PRR36: variants seen among roughly 807,000 people sequenced by gnomAD.
PRR36 encodes proline rich 36.
In PRR36, 30 loss-of-function variants were observed where a neutral mutation model predicts 58.6. The observed-to-expected ratio is 0.51, with a 90% CI of 0.38 to 0.69. The LOEUF is 0.69. PRR36 is among the 30% of genes least tolerant of loss of function. The pLI is 0.00. For missense variants in PRR36, 1,692 were observed against 1,805.6 expected (o/e 0.94, Z 1.14); for synonymous variants, 771 against 829.3 (o/e 0.93, Z 1.21).
At position 7,873,981 on chromosome 19, in the gene PRR36, G is replaced by C. The variant is rs1486091800; in HGVS notation, c.-7-285C>G. 7.6e-6 allele frequency among the ~76,000 whole-genome samples: 1 copy of C among 130,990 alleles called. No homozygotes were observed. 85.9% of individuals were successfully genotyped at this position (130,990 alleles called of 152,430 possible). A position where few individuals can be genotyped will look rare whatever the true frequency, so the allele number is the denominator to read the frequency against. On this transcript the variant is annotated intron_variant, in intron 1 of 5. Transcript: ENST00000618550. This position sits in a 1 kb window ranked among gnomAD's most constrained non-coding sequence, Gnocchi z 5.0. Reference sequence around the variant, plus strand: ...CCCGCCTCGGCTCCAATTCAGGACCGATCTCCACGCCCCTGCCCCTTGCCC... The same window carrying C: ...CCCGCCTCGGCTCCAATTCAGGACCCATCTCCACGCCCCTGCCCCTTGCCC...
At position 7,872,316 on chromosome 19, in the gene PRR36, A is replaced by G. The variant is rs1355020624; in HGVS notation, c.928T>C (p.Ser310Pro). The change falls in exon 5 of 6, where the codon TCG (serine) becomes CCG (proline). Residue 310 changes from serine to proline, a missense_variant. Transcript: ENST00000618550. This position sits in a 1 kb window ranked among gnomAD's most constrained non-coding sequence, Gnocchi z 6.1. ...GGTACGGGTCTTGCCTTGGTACCCG[A>G]TGGAGAGGGTGTGGCCAAAGGAGAG... ...SSSPLATPSPSGTKARPVPPP... is the reference protein window; with the variant it reads ...SSSPLATPSPPGTKARPVPPP... 1 of 1,453,970 alleles carries G rather than the reference A, an allele frequency of 6.9e-7. No homozygotes were observed. The highest frequency in any genetic ancestry group is 2.7e-5 in the Admixed American group (1 of 37,156). The allele number at this position is 1,453,970 out of a possible 1,614,324, so 90.1% of individuals were successfully genotyped here.
In PRR36 at chr19:7,870,852, A is replaced by G. The variant is rs1980394896; in HGVS notation, c.2392T>C (p.Leu798=). 12 of 1,434,364 alleles carry G rather than the reference A, an allele frequency of 8.4e-6. No individual in the cohort carries two copies. Among genetic ancestry groups the G allele is most frequent in the Admixed American group, 2.9e-5 (1 of 34,064 alleles). The allele number at this position is 1,434,364 out of a possible 1,614,324, so 88.9% of individuals were successfully genotyped here. A position where few individuals can be genotyped will look rare whatever the true frequency, so the allele number is the denominator to read the frequency against. ...GGCGTCTCCGGAGGGGGCGTGGTCA[A>G]TGGCGAAGGTGGTGCTTGCAGAGGG... ...PCPLQAPPSP[L]TTPPPETPSS... The change falls in exon 5 of 6, where the codon TTG becomes CTG. Residue 798 remains leucine, a synonymous_variant. Transcript: ENST00000618550.
rs1278164716 is a variant in PRR36 at position 7,869,558 on chromosome 19, C to T, written c.3530-14G>A. 1 of 1,516,826 alleles carries T rather than the reference C, an allele frequency of 6.6e-7. No homozygotes were observed. Among genetic ancestry groups the T allele is most frequent in the Non-Finnish European group, 8.8e-7 (1 of 1,138,610 alleles). 94.0% of individuals were successfully genotyped at this position (1,516,826 alleles called of 1,614,324 possible). A position where few individuals can be genotyped will look rare whatever the true frequency, so the allele number is the denominator to read the frequency against. On this transcript the variant is annotated splice_polypyrimidine_tract_variant and intron_variant, in intron 5 of 5. Coordinates refer to ENST00000618550, the MANE Select transcript of PRR36 (RefSeq NM_001190467.2). The stretch of plus-strand genomic sequence containing the variant: ...GCAGGGGCGCACCTGCGGGGAGAGA[C>T]GCCAGGTGGGCCGTGGGGGTGATAA...
Position 7,873,532 on chromosome 19 carries a change from A to G in PRR36, c.158T>C (p.Val53Ala). The G allele has an allele frequency of 6.5e-7, 1 of 1,534,962 alleles. No homozygotes were observed. The highest frequency in any genetic ancestry group is 8.7e-7 in the Non-Finnish European group (1 of 1,146,680). The change falls in exon 2 of 6, where the codon GTG (valine) becomes GCG (alanine). Residue 53 changes from valine (V) to alanine (A), a missense_variant. Physicochemically the swap from Val to Ala is moderately conservative, Grantham distance 64. Coordinates refer to ENST00000618550, the MANE Select transcript of PRR36 (RefSeq NM_001190467.2). This position sits in a 1 kb window ranked among gnomAD's most constrained non-coding sequence, Gnocchi z 5.0. Reference protein sequence around the residue: ...ALRVLGAAGAVGRKPLAERAG... With the variant: ...ALRVLGAAGAAGRKPLAERAG... The stretch of plus-strand genomic sequence containing the variant: ...TCGCTCTGCCAGAGGCTTTCGCCCC[A>G]CTGCTCCCGCAGCTCCCAGAACTCG...
In PRR36 at chr19:7,869,227, C is replaced by T; in HGVS notation, c.3847G>A (p.Gly1283Ser). Residue 1283 changes from glycine (G) to serine (S), a missense_variant, in exon 6 of 6, where the codon GGT becomes AGT. By Grantham distance (56) the Gly-to-Ser change is moderately conservative (BLOSUM62 0). Around this residue, in one of 5 missense-constraint regions of PRR36, gnomAD observed 485 missense variants for 549.2 expected, o/e 0.88. Transcript: ENST00000618550. ...AAGGSGGGPG[G>S]AEGGGVTGGA... ...CCTGTGACGCCACCACCCTCCGCACCTCCTGGGCCCCCGCCGCTGCCGCCC... is the reference window on the plus strand; with the variant it reads ...CCTGTGACGCCACCACCCTCCGCACTTCCTGGGCCCCCGCCGCTGCCGCCC... The T allele has an allele frequency of 6.7e-7, 1 of 1,503,698 alleles. No homozygotes were observed. The highest frequency in any genetic ancestry group is 8.8e-7 in the Non-Finnish European group (1 of 1,133,476). 93.1% of individuals were successfully genotyped at this position (1,503,698 alleles called of 1,614,324 possible). A position where few individuals can be genotyped will look rare whatever the true frequency, so the allele number is the denominator to read the frequency against.
In PRR36 at chr19:7,871,198, G is replaced by A; in HGVS notation, c.2046C>T (p.Pro682=). The change falls in exon 5 of 6, where the codon CCC becomes CCT. Residue 682 remains proline, a synonymous_variant. Transcript: ENST00000618550. ...GCGCCTGCAGAGGGTGTATGGTCAG[G>A]GGTGAGCTTAGGGGTGAGACAGCAG... ...LSPAVSPLSS[P]LTIHPLQALS... 6.5e-7 allele frequency: 1 copy of A among 1,534,452 alleles called. No homozygotes were observed. Among genetic ancestry groups the A allele is most frequent in the South Asian group, 1.2e-5 (1 of 83,926 alleles).
chr19:7,872,198 G>A lies in PRR36; in HGVS notation c.1046C>T (p.Ala349Val). The A allele has an allele frequency of 6.8e-7, 1 of 1,463,402 alleles. No individual in the cohort carries two copies. Among genetic ancestry groups the A allele is most frequent in the Non-Finnish European group, 9.0e-7 (1 of 1,111,152 alleles). 90.7% of individuals were successfully genotyped at this position (1,463,402 alleles called of 1,614,324 possible). The change falls in exon 5 of 6, where the codon GCC becomes GTC. Residue 349 changes from alanine (A) to valine (V), a missense_variant. Around this residue, in one of 5 missense-constraint regions of PRR36, gnomAD observed 975 missense variants for 955.2 expected, o/e 1.02. Coordinates refer to ENST00000618550, the MANE Select transcript of PRR36 (RefSeq NM_001190467.2). The surrounding 1 kb of genome is among the most constrained non-coding windows in gnomAD (Gnocchi z 6.1). The stretch of plus-strand genomic sequence containing the variant: ...GGGCGTGGCCGGCAGGGTGGGCGGG[G>A]CCTGACTTTGGAGAGCGGCTGGCGG... ...PPPPAALQSQ[A>V]PPTLPATPHS... is the part of the protein sequence containing the mutation.
At position 7,873,280 on chromosome 19, in the gene PRR36, A is replaced by C. The variant is rs1335882810; in HGVS notation, c.291T>G (p.Ser97=). The part of the protein sequence containing the change: ...SRNPASRPPA[S]GRGERAPPAK... Reference sequence around the variant, plus strand: ...CAGGAGGAGCTCTCTCCCCTCTCCCAGAGGCTGGGGGCCTGGAGGCTGCGG... The same window carrying C: ...CAGGAGGAGCTCTCTCCCCTCTCCCCGAGGCTGGGGGCCTGGAGGCTGCGG... The change falls in exon 3 of 6, where the codon TCT becomes TCG. Residue 97 remains serine, a synonymous_variant. Transcript: ENST00000618550. This position sits in a 1 kb window ranked among gnomAD's most constrained non-coding sequence, Gnocchi z 5.0. The C allele has an allele frequency of 6.5e-7, 1 of 1,535,618 alleles. No homozygotes were observed. The highest frequency in any genetic ancestry group is 8.7e-7 in the Non-Finnish European group (1 of 1,146,680).
chr19:7,873,190 AG>A lies in PRR36; in HGVS notation c.374+6del, dbSNP rs940378588. ...CTTAGGAGACTGGGGGAGAGGGAGC[AG>A]GTTACCTGGTGGTCCCGCTGGCACG... On this transcript the variant is annotated splice_donor_region_variant and intron_variant, in intron 3 of 5. Coordinates refer to ENST00000618550, the MANE Select transcript of PRR36 (RefSeq NM_001190467.2). This position sits in a 1 kb window ranked among gnomAD's most constrained non-coding sequence, Gnocchi z 5.0. 1.3e-6 allele frequency: 2 copies of A among 1,535,352 alleles called. No homozygotes were observed. The highest frequency in any genetic ancestry group is 2.7e-5 in the African/African-American group (2 of 73,026).
intron 5 of PRR36, 25 bp from the exon 6 acceptor site, chr19:7,869,569 C>T (rs1308444938): frequency 4.0e-6 from 6 of 1,512,880 alleles, no homozygotes; most frequent in Admixed American, 2.0e-5. Flanking sequence ...GCCAGGTGGG[C>T]CGTGGGGGTG....
In PRR36 at chr19:7,873,319, TCA is replaced by T; in HGVS notation, c.272-22_272-21del. On this transcript the variant is annotated intron_variant, in intron 2 of 5. Transcript: ENST00000618550. The surrounding 1 kb of genome is among the most constrained non-coding windows in gnomAD (Gnocchi z 5.0). ...TGGAGGCTGCGGGGAGAAGGCCGAG[TCA>T]CAGGTGCCCCGGAGAGGTGGCAGTG... is the stretch of plus-strand genomic sequence containing the variant. 1 of 1,525,184 alleles carries T rather than the reference TCA, an allele frequency of 6.6e-7. No homozygotes were observed. Among genetic ancestry groups the T allele is most frequent in the Non-Finnish European group, 8.8e-7 (1 of 1,141,512 alleles). The allele number at this position is 1,525,184 out of a possible 1,614,324, so 94.5% of individuals were successfully genotyped here. A position where few individuals can be genotyped will look rare whatever the true frequency, so the allele number is the denominator to read the frequency against.
chr19:7,872,321 G>C lies in PRR36; in HGVS notation c.923C>G (p.Ser308Cys), dbSNP rs1980501688. ...PLSSSPLATPSPSGTKARPVP... is the reference protein window; with the variant it reads ...PLSSSPLATPCPSGTKARPVP... ...GGGTCTTGCCTTGGTACCCGATGGA[G>C]AGGGTGTGGCCAAAGGAGAGGAAGA... The change falls in exon 5 of 6, where the codon TCT (serine) becomes TGT (cysteine). Residue 308 changes from serine to cysteine, a missense_variant. Physicochemically the swap from Ser to Cys is moderately radical, Grantham distance 112. Transcript: ENST00000618550. The surrounding 1 kb of genome is among the most constrained non-coding windows in gnomAD (Gnocchi z 6.1). The C allele has an allele frequency of 1.4e-6, 2 of 1,454,986 alleles. No homozygotes were observed. Among genetic ancestry groups the C allele is most frequent in the East Asian group, 5.0e-5 (2 of 40,380 alleles). 90.1% of individuals were successfully genotyped at this position (1,454,986 alleles called of 1,614,324 possible). A position where few individuals can be genotyped will look rare whatever the true frequency, so the allele number is the denominator to read the frequency against.
At chr19:7,869,622 G>A in intron 5 of PRR36, 78 bp from the exon 6 acceptor site, 1 of 1,465,084 alleles carries the variant, frequency 6.8e-7, no homozygotes, top group South Asian at 1.3e-5. Flanking sequence ...CCTTGTCTAA[G>A]CTCCGCCCCG....
chr19:7,873,648 C>T lies in PRR36; in HGVS notation c.42G>A (p.Ala14=). Reference sequence around the variant, plus strand: ...CAGGAGCGCGAGCAGCCGGCGTCCGCGCGGCGGCCCCTGCCTTCGCCTTGT... The same window carrying T: ...CAGGAGCGCGAGCAGCCGGCGTCCGTGCGGCGGCCCCTGCCTTCGCCTTGT... ...KRDKAKAGAA[A]RTPAARAPGL... is the part of the protein sequence containing the mutation. Residue 14 remains alanine, a synonymous_variant, in exon 2 of 6, where the codon GCG becomes GCA. Transcript: ENST00000618550. The surrounding 1 kb of genome is among the most constrained non-coding windows in gnomAD (Gnocchi z 5.0). 1 of 1,535,246 alleles carries T rather than the reference C, an allele frequency of 6.5e-7. No individual in the cohort carries two copies. Among genetic ancestry groups the T allele is most frequent in the Non-Finnish European group, 8.7e-7 (1 of 1,146,712 alleles).
rs1311260065 is a variant in PRR36 at position 7,872,315 on chromosome 19, G to C, written c.929C>G (p.Ser310Trp). 1 of 1,454,320 alleles carries C rather than the reference G, an allele frequency of 6.9e-7. No homozygotes were observed. Among genetic ancestry groups the C allele is most frequent in the African/African-American group, 1.4e-5 (1 of 70,192 alleles). 90.1% of individuals were successfully genotyped at this position (1,454,320 alleles called of 1,614,324 possible). Residue 310 changes from serine to tryptophan, a missense_variant, in exon 5 of 6, where the codon TCG (serine) becomes TGG (tryptophan). Ser to Trp is a radical substitution (Grantham distance 177). Coordinates refer to ENST00000618550, the MANE Select transcript of PRR36 (RefSeq NM_001190467.2). The surrounding 1 kb of genome is among the most constrained non-coding windows in gnomAD (Gnocchi z 6.1). ...SSSPLATPSPSGTKARPVPPP... is the reference protein window; with the variant it reads ...SSSPLATPSPWGTKARPVPPP... The stretch of plus-strand genomic sequence containing the variant: ...CGGTACGGGTCTTGCCTTGGTACCC[G>C]ATGGAGAGGGTGTGGCCAAAGGAGA...
Position 7,871,791 on chromosome 19 carries a change from G to T in PRR36, c.1453C>A (p.Pro485Thr). The change falls in exon 5 of 6, where the codon CCT becomes ACT. Residue 485 changes from proline (P) to threonine (T), a missense_variant. Pro to Thr is a conservative substitution (Grantham distance 38). Around this residue, in one of 5 missense-constraint regions of PRR36, gnomAD observed 975 missense variants for 955.2 expected, o/e 1.02. Transcript: ENST00000618550. ...GNSAFPLAAL[P>T]QPGLSALTTP... The stretch of plus-strand genomic sequence containing the variant: ...GTCAGAGCAGAAAGGCCTGGCTGAG[G>T]GAGTGCGGCCAGGGGAAAAGCCGAA... The T allele has an allele frequency of 6.5e-7, 1 of 1,535,498 alleles. No individual in the cohort carries two copies. Among genetic ancestry groups the T allele is most frequent in the Non-Finnish European group, 8.7e-7 (1 of 1,146,720 alleles).
Position 7,870,177 on chromosome 19 carries a change from G to A in PRR36, c.3067C>T (p.Pro1023Ser). 1 of 1,429,722 alleles carries A rather than the reference G, an allele frequency of 7.0e-7. No homozygotes were observed. Among genetic ancestry groups the A allele is most frequent in the Non-Finnish European group, 9.1e-7 (1 of 1,097,774 alleles). 88.6% of individuals were successfully genotyped at this position (1,429,722 alleles called of 1,614,324 possible). The change falls in exon 5 of 6, where the codon CCC becomes TCC. Residue 1023 changes from proline (P) to serine (S), a missense_variant. By Grantham distance (74) the Pro-to-Ser change is moderately conservative (BLOSUM62 -1). Transcript: ENST00000618550. The stretch of plus-strand genomic sequence containing the variant: ...CCAGGGAATGAGGCAGGCGGAGAGG[G>A]AAGGGCCTGCAGAGGAGGTGTGGCC... The part of the protein sequence containing the change: ...ALATPPLQAL[P>S]SPPASFPGQA...
chr19:7,871,660 T>C lies in PRR36; in HGVS notation c.1584A>G (p.Thr528=). 2 of 1,535,234 alleles carry C rather than the reference T, an allele frequency of 1.3e-6. No individual in the cohort carries two copies. Among genetic ancestry groups the C allele is most frequent in the East Asian group, 2.4e-5 (1 of 40,874 alleles). ...LPLQDSPLLA[T]LPLQASPSPL... ...GAGAGGGAGAGGCCTGCAGAGGCAA[T>C]GTGGCCAGAAGAGGAGAGTCCTGCA... is the stretch of plus-strand genomic sequence containing the variant. Residue 528 remains threonine, a synonymous_variant, in exon 5 of 6, where the codon ACA becomes ACG. Transcript: ENST00000618550.
At position 7,872,664 on chromosome 19, in the gene PRR36, G is replaced by C. The variant is rs1290054092; in HGVS notation, c.580C>G (p.Pro194Ala). The C allele has an allele frequency of 1.3e-5, 19 of 1,465,824 alleles. No individual in the cohort carries two copies. The highest frequency in any genetic ancestry group is 1.5e-5 in the Non-Finnish European group (17 of 1,113,432). 90.8% of individuals were successfully genotyped at this position (1,465,824 alleles called of 1,614,324 possible). The change falls in exon 5 of 6, where the codon CCG becomes GCG. Residue 194 changes from proline (P) to alanine (A), a missense_variant. Pro to Ala is a conservative substitution (Grantham distance 27, BLOSUM62 -1). Around this residue, in one of 5 missense-constraint regions of PRR36, gnomAD observed 975 missense variants for 955.2 expected, o/e 1.02. Coordinates refer to ENST00000618550, the MANE Select transcript of PRR36 (RefSeq NM_001190467.2). This position sits in a 1 kb window ranked among gnomAD's most constrained non-coding sequence, Gnocchi z 6.1. ...GTCGGGGGCCGTGGCCGGGCACTCG[G>C]AGCTGGCCGGGGGAGCCCCACCTCG... ...GTEVGLPRPA[P>A]SARPRPPTEG... is the part of the protein sequence containing the mutation.
Sources: allele counts gnomAD v4.1 joint callset (sites outside exome capture counted in the v4.1 genomes callset), GRCh38; gene constraint gnomAD v4.1.1; regional missense constraint gnomAD v4.1.1; non-coding constraint Gnocchi (gnomAD v3.1); transcripts MANE v1.5; gene names NCBI Gene and HGNC (gene_info 2026-07-23, HGNC 2026-07-21).